The following SLC44A1 variants were observed in gnomAD, a reference collection of about 807,000 sequenced individuals.
SLC44A1 encodes solute carrier family 44 member 1, also known as choline transporter-like protein 1.
Under a neutral mutation model 79.3 loss-of-function variants are expected in SLC44A1, and 26 were observed. The ratio of observed to expected loss-of-function variants is 0.33; its 90% CI spans 0.24 to 0.46. SLC44A1 has a LOEUF of 0.46. Ranked by LOEUF, SLC44A1 falls within the 20% of genes least tolerant of loss-of-function variation. The pLI, the probability that SLC44A1 is intolerant of heterozygous loss-of-function variation, is 1.00. For missense variants in SLC44A1, 688 were observed against 798.1 expected (o/e 0.86, Z 1.66); for synonymous variants, 263 against 286.2 (o/e 0.92, Z 0.82).
At chr9:105,271,823 A>C (rs1830085341) in intron 1 of SLC44A1, among the ~76,000 whole-genome samples, 1 of 152,168 alleles carries the variant, frequency 6.6e-6, no homozygotes, top group Non-Finnish European at 1.5e-5. Flanking sequence ...TATGTTGGCC[A>C]GGCTGGTCTC....
chr9:105,436,278 A>G (rs1407089896), intron 15 of SLC44A1, among the ~76,000 whole-genome samples: 2 of 152,212 alleles, frequency 1.3e-5, no homozygotes, highest in African/African-American at 4.8e-5. Flanking sequence ...ACAAATCACA[A>G]CTTTGGCATA....
intron 2 of SLC44A1, among the ~76,000 whole-genome samples, chr9:105,302,817 T>A (rs1459215950): frequency 1.3e-5 from 2 of 152,028 alleles, no homozygotes; most frequent in African/African-American, 4.8e-5. Context: ...AGAAGTGATA[T>A]GAGTGGGTTT....
intron 15 of SLC44A1, among the ~76,000 whole-genome samples, chr9:105,408,221 G>A (rs904267452): frequency 6.6e-6 from 1 of 152,112 alleles, no homozygotes; most frequent in Non-Finnish European, 1.5e-5. Flanking sequence ...AACAAAAGTT[G>A]AGGAAGTTTG....
At position 105,397,310 on chromosome 9, in the gene SLC44A1, A is replaced by AT; in HGVS notation, c.*8260dup. 1 of 978,266 alleles carries AT rather than the reference A, an allele frequency of 1.0e-6. No individual in the cohort carries two copies. Among genetic ancestry groups the AT allele is most frequent in the Non-Finnish European group, 1.2e-6 (1 of 823,410 alleles). 60.6% of individuals were successfully genotyped at this position (978,266 alleles called of 1,614,324 possible). A position where few individuals can be genotyped will look rare whatever the true frequency, so the allele number is the denominator to read the frequency against. On this transcript the variant is annotated 3_prime_UTR_variant, in exon 16 of 16. Transcript: ENST00000374720. ...TATTTTAGTCTAACAAATGTATAGA[A>AT]TTTTTTATGTAATAAATAAAATTTT... is the stretch of plus-strand genomic sequence containing the variant.
At chr9:105,325,456 T>C (rs1243774724) in intron 3 of SLC44A1, among the ~76,000 whole-genome samples, 1 of 152,052 alleles carries the variant, frequency 6.6e-6, no homozygotes, top group Non-Finnish European at 1.5e-5. Context: ...ATTATGGAGG[T>C]TGAGAAGTCC....
intron 3 of SLC44A1, among the ~76,000 whole-genome samples, chr9:105,311,047 T>G (rs1217214954): frequency 6.6e-6 from 1 of 152,230 alleles, no homozygotes; most frequent in Non-Finnish European, 1.5e-5. Context: ...TCTCTTGATA[T>G]GCACCTGTAT....
At chr9:105,258,770 C>T (rs572993740) in intron 1 of SLC44A1, among the ~76,000 whole-genome samples, 39 of 152,218 alleles carry the variant, frequency 2.6e-4, no homozygotes, top group South Asian at 6.2e-4. Flanking sequence ...TCACTGCAAC[C>T]CCTACCTCCC....
chr9:105,383,742 A>G (rs965578947), intron 14 of SLC44A1, among the ~76,000 whole-genome samples: 1 of 152,248 alleles, frequency 6.6e-6, no homozygotes, highest in African/African-American at 2.4e-5. Flanking sequence ...GTCTTTCTCT[A>G]TCCACCACTG....
chr9:105,299,228 A>G lies in SLC44A1; in HGVS notation c.45A>G (p.Lys15=). 3.1e-6 allele frequency: 5 copies of G among 1,588,426 alleles called. No individual in the cohort carries two copies. The highest frequency in any genetic ancestry group is 4.3e-6 in the Non-Finnish European group (5 of 1,171,312). ...SSASSAAQSS[K]REWKPLEDRS... Reference sequence around the variant, plus strand: ...TTTGTATTTCCAATTAGAGCTCCAAACGAGAATGGAAGCCGCTGGAGGACC... The same window carrying G: ...TTTGTATTTCCAATTAGAGCTCCAAGCGAGAATGGAAGCCGCTGGAGGACC... The change falls in exon 2 of 16, where the codon AAA becomes AAG. Residue 15 remains lysine, a synonymous_variant. Transcript: ENST00000374720.
chr9:105,356,654 G>A (rs1827632365), intron 6 of SLC44A1, among the ~76,000 whole-genome samples: 1 of 152,074 alleles, frequency 6.6e-6, no homozygotes, highest in Non-Finnish European at 1.5e-5. Flanking sequence ...TTTAATATGA[G>A]AGCAAGAGGC....
At chr9:105,367,212 G>A (rs1827969011) in intron 12 of SLC44A1, among the ~76,000 whole-genome samples, 1 of 152,104 alleles carries the variant, frequency 6.6e-6, no homozygotes, top group Admixed American at 6.5e-5. Context: ...ATAGGCCAGA[G>A]ATAAAATTGA....
At chr9:105,352,348 A>G (rs912107147) in intron 5 of SLC44A1, among the ~76,000 whole-genome samples, 1 of 152,188 alleles carries the variant, frequency 6.6e-6, no homozygotes, top group Non-Finnish European at 1.5e-5. Flanking sequence ...GTGAAGGCAA[A>G]TGGGCAAGTG....
rs1024041430 is a variant in SLC44A1, at chr9:105,269,891, T to C, written c.36+24987T>C. Among the ~76,000 whole-genome samples, 138 of 152,188 alleles carry C rather than the reference T, an allele frequency of 9.1e-4. 1 individual carries two copies. The highest frequency in any genetic ancestry group is 1.0e-4 in the Non-Finnish European group (7 of 68,038). On this transcript the variant is annotated intron_variant, in intron 1 of 15. Transcript: ENST00000374720. ...CAGGTCTTAAACTCTCTCGTCTTAG[T>C]GTGCCACACTGGTAACATGTAGAAG...
intron 11 of SLC44A1, among the ~76,000 whole-genome samples, chr9:105,365,842 A>G (rs1443135315): frequency 2.6e-5 from 4 of 152,072 alleles, no homozygotes; most frequent in Non-Finnish European, 5.9e-5. Flanking sequence ...TAGTAACTAA[A>G]AGTATCCTGT....
At chr9:105,328,854 T>G (rs1388873241) in intron 3 of SLC44A1, among the ~76,000 whole-genome samples, 3 of 152,138 alleles carry the variant, frequency 2.0e-5, no homozygotes, top group Admixed American at 6.6e-5. Flanking sequence ...GAGGAAGCAG[T>G]GGGGAAAGGC....
intron 1 of SLC44A1, among the ~76,000 whole-genome samples, chr9:105,285,719 G>T (rs1481172359): frequency 6.6e-6 from 1 of 152,184 alleles, no homozygotes; most frequent in Non-Finnish European, 1.5e-5. Flanking sequence ...TTTTAAGGGT[G>T]GGGAAGATTA....
intron 3 of SLC44A1, among the ~76,000 whole-genome samples, chr9:105,315,484 A>G (rs1831298399): frequency 6.6e-6 from 1 of 152,108 alleles, no homozygotes; most frequent in Non-Finnish European, 1.5e-5. Context: ...ATAGTCCTGT[A>G]TCTTTAGTGT....
chr9:105,402,435 C>T (rs1456805251), intron 15 of SLC44A1, among the ~76,000 whole-genome samples: 2 of 152,142 alleles, frequency 1.3e-5, no homozygotes, highest in African/African-American at 4.8e-5. Context: ...GAGATGGGGG[C>T]TTTTGCCAGA....
chr9:105,244,652 G>C lies in SLC44A1; in HGVS notation c.-217G>C, dbSNP rs1325603331. 5 of 242,758 alleles carry C rather than the reference G, an allele frequency of 2.1e-5. No homozygotes were observed. Among genetic ancestry groups the C allele is most frequent in the Non-Finnish European group, 3.1e-5 (4 of 127,598 alleles). 15.0% of individuals were successfully genotyped at this position (242,758 alleles called of 1,614,324 possible). On this transcript the variant is annotated 5_prime_UTR_variant, in exon 1 of 16. Coordinates refer to ENST00000374720, the MANE Select transcript of SLC44A1 (RefSeq NM_080546.5). ...CTGCTGCAGCAGGAGCAGAGCAGGA[G>C]ACGCGTAGCCGCCGTCGCCGCCGCC...
Sources: gnomAD v4.1 joint callset for allele counts (sites outside exome capture counted in the v4.1 genomes callset) on GRCh38, gnomAD v4.1.1 for gene constraint, MANE v1.5 for transcripts, NCBI Gene and HGNC (gene_info 2026-07-23, HGNC 2026-07-21) for gene names.